MMP10: variants seen among roughly 807,000 people sequenced by gnomAD.
The protein encoded by MMP10 is matrix metallopeptidase 10.
A neutral mutation model predicts 49.1 loss-of-function variants in MMP10; 50 were observed. The ratio of observed to expected loss-of-function variants is 1.02; its 90% CI spans 0.81 to 1.29. The LOEUF (loss-of-function observed/expected upper bound fraction) is 1.29. MMP10 is among the 50% of genes most tolerant of loss of function. The pLI is 0.00. For missense variants in MMP10, 613 were observed against 563.8 expected, an observed-to-expected ratio of 1.09 and a Z score of -0.88; for synonymous variants, 229 against 201.6, an observed-to-expected ratio of 1.14 and a Z score of -1.15.
intron 6 of MMP10, among the ~76,000 whole-genome samples, chr11:102,775,980 GA>G (rs1183619024): frequency 1.3e-5 from 2 of 151,994 alleles, no homozygotes; most frequent in Non-Finnish European, 2.9e-5. Context: ...ACAATTCTAA[GA>G]AGATGTTAAA....
intron 5 of MMP10, 21 bp downstream of exon 5, chr11:102,776,590 TA>T: frequency 6.2e-7 from 1 of 1,602,066 alleles, no homozygotes; most frequent in Non-Finnish European, 8.5e-7. Flanking sequence ...CTGCAATGCC[TA>T]ATTTTTCCAG....
intron 5 of MMP10, 51 bp downstream of exon 5, chr11:102,776,561 G>C: frequency 6.3e-7 from 1 of 1,588,034 alleles, no homozygotes; most frequent in East Asian, 2.2e-5. Context: ...AAGCTTTCTG[G>C]AGGACTGTCA....
intron 7 of MMP10, among the ~76,000 whole-genome samples, chr11:102,774,290 T>C (rs1363477072): frequency 1.3e-5 from 2 of 152,118 alleles, no homozygotes; most frequent in Non-Finnish European, 2.9e-5. Flanking sequence ...GTATCAAACT[T>C]AAGCTATAAC....
rs1310901002 is a variant in MMP10, at chr11:102,776,720, GA to G, written c.678del (p.His227ThrfsTer8). ...AHELGHSLGLFHSANTEALMY... is the reference protein window; with the variant it reads ...AHELGHSLGLXHSANTEALMY... ...ATCAAAGCTTCAGTGTTGGCTGAGT[GA>G]AAGAGCCCCAGGGAGTGGCCAAGTT... On this transcript the variant is annotated frameshift_variant, in exon 5 of 10. Coordinates refer to ENST00000279441, the MANE Select transcript of MMP10 (RefSeq NM_002425.3). LOFTEE classifies it high-confidence loss of function. The G allele has an allele frequency of 3.1e-6, 5 of 1,614,024 alleles. No individual in the cohort carries two copies. The highest frequency in any genetic ancestry group is 4.2e-6 in the Non-Finnish European group (5 of 1,179,946).
chr11:102,771,812 AACACACAC>A (rs61090976), intron 9 of MMP10, among the ~76,000 whole-genome samples, 192 bp downstream of exon 9: 15 of 150,184 alleles, frequency 1.0e-4, no homozygotes, highest in African/African-American at 2.5e-4. Flanking sequence ...TATTCAGGAA[AACACACAC>A]ACACACACAC....
In MMP10 at chr11:102,772,160, C is replaced by T; in HGVS notation, c.1227-45G>A. 3 of 1,153,484 alleles carry T rather than the reference C, an allele frequency of 2.6e-6. No homozygotes were observed. The highest frequency in any genetic ancestry group is 1.8e-5 in the Admixed American group (1 of 56,310). The allele number at this position is 1,153,484 out of a possible 1,614,324, so 71.5% of individuals were successfully genotyped here. A position where few individuals can be genotyped will look rare whatever the true frequency, so the allele number is the denominator to read the frequency against. On this transcript the variant is annotated intron_variant, in intron 8 of 9. Transcript: ENST00000279441. This position sits in a 1 kb window ranked among gnomAD's most constrained non-coding sequence, Gnocchi z 4.4. Reference sequence around the variant, plus strand: ...TACAGTTCAATGATGTGCAGTAGTCCCATTACACACAATAGTATAATGTGA... The same window carrying T: ...TACAGTTCAATGATGTGCAGTAGTCTCATTACACACAATAGTATAATGTGA...
rs201248623 is a variant in MMP10 at position 102,775,202 on chromosome 11, A to C, written c.1052T>G (p.Val351Gly). The C allele has an allele frequency of 3.1e-6, 5 of 1,593,354 alleles. No homozygotes were observed. The African/African-American group carries it at 5.4e-5, about 17-fold the overall frequency. Reference protein sequence around the residue: ...AAYEVNSRDTVFIFKGNEFWA... With the variant: ...AAYEVNSRDTGFIFKGNEFWA... The stretch of plus-strand genomic sequence containing the variant: ...ATAGTACTCACCTTTAAAAATAAAA[A>C]CGGTGTCCCTGCTGTTAACTTCATA... The change falls in exon 7 of 10, where the codon GTT (valine) becomes GGT (glycine). Residue 351 changes from valine to glycine, a missense_variant. By Grantham distance (109) the Val-to-Gly change is moderately radical. Coordinates refer to ENST00000279441, the MANE Select transcript of MMP10 (RefSeq NM_002425.3).
At chr11:102,779,130 A>G in intron 3 of MMP10, 83 bp downstream of exon 3, 1 of 1,540,158 alleles carries the variant, frequency 6.5e-7, no homozygotes, top group African/African-American at 1.4e-5. Flanking sequence ...TCTGTTGTTT[A>G]TAAATTACCC....
At chr11:102,779,174 G>C (rs766624450) in intron 3 of MMP10, 39 bp downstream of exon 3, 1 of 1,609,368 alleles carries the variant, frequency 6.2e-7, no homozygotes, top group East Asian at 2.2e-5. Flanking sequence ...AGTCTGAACA[G>C]ATGAATACAC....
chr11:102,771,366 G>A (rs534781810), intron 9 of MMP10, among the ~76,000 whole-genome samples: 2 of 152,264 alleles, frequency 1.3e-5, no homozygotes, highest in South Asian at 4.1e-4. Context: ...TCCATTTCCT[G>A]CTTTGCATCC....
chr11:102,771,579 C>A (rs1395355270), intron 9 of MMP10, among the ~76,000 whole-genome samples: 1 of 152,146 alleles, frequency 6.6e-6, no homozygotes, highest in East Asian at 1.9e-4. Context: ...CTAATGCAGG[C>A]AATCGCAGAC....
Position 102,780,486 on chromosome 11 carries a change from C to G in MMP10, c.105+1G>C, listed in dbSNP as rs771999488. The G allele has an allele frequency of 3.1e-6, 5 of 1,613,604 alleles. No individual in the cohort carries two copies. The Admixed American group carries it at 8.3e-5, about 27-fold the overall frequency. ...CTGCAATAGATGCCACCGTTAATTA[C>G]CTGGGCAAGATCCTTGTTGGAGTCC... On this transcript the variant is annotated splice_donor_variant, in intron 1 of 9. Coordinates refer to ENST00000279441, the MANE Select transcript of MMP10 (RefSeq NM_002425.3). LOFTEE classifies it high-confidence loss of function.
rs764912804 is a variant in MMP10 at position 102,772,002 on chromosome 11, G to A, written c.1330+10C>T. 6.5e-7 allele frequency: 1 copy of A among 1,530,284 alleles called. No individual in the cohort carries two copies. The highest frequency in any genetic ancestry group is 1.7e-5 in the Admixed American group (1 of 59,360). 94.8% of individuals were successfully genotyped at this position (1,530,284 alleles called of 1,614,324 possible). Reference sequence around the variant, plus strand: ...ATTCCTGCATGACAATGAAATAAGGGTCTTCTTACCAAATGCCTGTAATAC... The same window carrying A: ...ATTCCTGCATGACAATGAAATAAGGATCTTCTTACCAAATGCCTGTAATAC... On this transcript the variant is annotated intron_variant, in intron 9 of 9. Transcript: ENST00000279441. This position sits in a 1 kb window ranked among gnomAD's most constrained non-coding sequence, Gnocchi z 4.4.
At chr11:102,771,946 C>T (rs1395545752) in intron 9 of MMP10, 66 bp downstream of exon 9, 1 of 1,023,714 alleles carries the variant, frequency 9.8e-7, no homozygotes. Context: ...TGATTCTGCA[C>T]TTTATTTTGA....
At position 102,772,633 on chromosome 11, in the gene MMP10, A is replaced by G. The variant is rs373533972; in HGVS notation, c.1226+214T>C. 1.8e-4 allele frequency among the ~76,000 whole-genome samples: 28 copies of G among 152,166 alleles called. No homozygotes were observed. The highest frequency in any genetic ancestry group is 6.7e-4 in the African/African-American group (28 of 41,534). ...TTTGGACCTCAGCTGGCCTCTCCTGATGTCTTTTAGTGTCTGAGTATATGG... is the reference window on the plus strand; with the variant it reads ...TTTGGACCTCAGCTGGCCTCTCCTGGTGTCTTTTAGTGTCTGAGTATATGG... On this transcript the variant is annotated intron_variant, in intron 8 of 9. Coordinates refer to ENST00000279441, the MANE Select transcript of MMP10 (RefSeq NM_002425.3). The surrounding 1 kb of genome is among the most constrained non-coding windows in gnomAD (Gnocchi z 4.4).
At position 102,779,360 on chromosome 11, in the gene MMP10, T is replaced by A. The variant is rs766007749; in HGVS notation, c.349A>T (p.Ile117Phe). The A allele has an allele frequency of 2.5e-6, 4 of 1,613,026 alleles. No individual in the cohort carries two copies. The South Asian group carries it at 4.4e-5, about 18-fold the overall frequency. The change falls in exon 3 of 10, where the codon ATT (isoleucine) becomes TTT (phenylalanine). Residue 117 changes from isoleucine to phenylalanine, a missense_variant and splice_region_variant. By Grantham distance (21) the Ile-to-Phe change is conservative. Coordinates refer to ENST00000279441, the MANE Select transcript of MMP10 (RefSeq NM_002425.3). ...GGCAAATCTGGTGTATAATTCACAA[T>A]CCTGGAGGAGAAAAATTGAAGAGGA... is the stretch of plus-strand genomic sequence containing the variant. ...KWRKTHLTYRIVNYTPDLPRD... is the reference protein window; with the variant it reads ...KWRKTHLTYRFVNYTPDLPRD...
intron 7 of MMP10, among the ~76,000 whole-genome samples, chr11:102,774,872 T>C (rs1481470156): frequency 1.3e-5 from 2 of 152,226 alleles, no homozygotes; most frequent in South Asian, 4.1e-4. Context: ...TCCTCTGCCA[T>C]ATAAATTGTA....
intron 9 of MMP10, among the ~76,000 whole-genome samples, chr11:102,771,649 A>G (rs1861976720): frequency 6.6e-6 from 1 of 152,190 alleles, no homozygotes; most frequent in Admixed American, 6.5e-5. Context: ...GGACAACAGG[A>G]TGGGATAGAG....
chr11:102,772,217 A>G lies in MMP10; in HGVS notation c.1227-102T>C. 4.2e-6 allele frequency: 3 copies of G among 706,334 alleles called. No homozygotes were observed. Among genetic ancestry groups the G allele is most frequent in the Non-Finnish European group, 6.9e-6 (3 of 431,982 alleles). 43.8% of individuals were successfully genotyped at this position (706,334 alleles called of 1,614,324 possible). A position where few individuals can be genotyped will look rare whatever the true frequency, so the allele number is the denominator to read the frequency against. On this transcript the variant is annotated intron_variant, in intron 8 of 9. Coordinates refer to ENST00000279441, the MANE Select transcript of MMP10 (RefSeq NM_002425.3). This position sits in a 1 kb window ranked among gnomAD's most constrained non-coding sequence, Gnocchi z 4.4. ...TTTTCCAGTGTGGAATCCTAGACAA[A>G]CTTTTTAAGTTGTGTAAAAAAGTGT... is the stretch of plus-strand genomic sequence containing the variant.
Sources: allele counts gnomAD v4.1 joint callset (sites outside exome capture counted in the v4.1 genomes callset), GRCh38; gene constraint gnomAD v4.1.1; non-coding constraint Gnocchi (gnomAD v3.1); transcripts MANE v1.5; gene names NCBI Gene and HGNC (gene_info 2026-07-23, HGNC 2026-07-21).